Variants in TLN2 observed in about 807,000 individuals in gnomAD.
TLN2 encodes the protein talin 2.
A neutral mutation model predicts 294.7 loss-of-function variants in TLN2; 118 were observed. That is an observed-to-expected ratio of 0.40 (90% CI 0.34 to 0.47). The LOEUF (loss-of-function observed/expected upper bound fraction) is 0.47. Among genes scored for constraint, TLN2 ranks in the 20% least tolerant of loss-of-function variants. The probability of loss-of-function intolerance (pLI) is 0.84; values close to 1 mark genes in which losing one functional copy is unlikely to be tolerated. For synonymous variants in TLN2, 1,431 were observed against 1,304.5 expected (o/e 1.10, Z -2.09); for missense variants, 3,083 against 3,282.2 (o/e 0.94, Z 1.48).
chr15:62,844,217 A>AT lies in TLN2; in HGVS notation c.*3608dup, dbSNP rs1201694215. ...TTTCCCAAAGGTATCCCCAAGTACCATGTTGAAAATGTCCTCAGTCTGTTG... is the reference window on the plus strand; with the variant it reads ...TTTCCCAAAGGTATCCCCAAGTACCATTGTTGAAAATGTCCTCAGTCTGTTG... On this transcript the variant is annotated 3_prime_UTR_variant, in exon 59 of 59. Coordinates refer to ENST00000636159, the MANE Select transcript of TLN2 (RefSeq NM_015059.3). The AT allele has an allele frequency of 6.6e-6, 1 of 152,234 alleles. No individual in the cohort carries two copies. The highest frequency in any genetic ancestry group is 2.4e-5 in the African/African-American group (1 of 41,390). 9.4% of individuals were successfully genotyped at this position (152,234 alleles called of 1,614,324 possible). A position where few individuals can be genotyped will look rare whatever the true frequency, so the allele number is the denominator to read the frequency against.
intron 1 of TLN2, among the ~76,000 whole-genome samples, chr15:62,585,757 A>G (rs1321833876): frequency 1.3e-5 from 2 of 152,138 alleles, no homozygotes; most frequent in Non-Finnish European, 2.9e-5. Flanking sequence ...GCTTGGATAG[A>G]TCTTATCCAT....
At position 62,677,806 on chromosome 15, in the gene TLN2, C is replaced by CTTTTTTT. The variant is rs3055781; in HGVS notation, c.957+2494_957+2500dup. Among the ~76,000 whole-genome samples, 76 of 75,268 alleles carry CTTTTTTT rather than the reference C, an allele frequency of 1.0e-3. 4 individuals carry two copies. The highest frequency in any genetic ancestry group is 3.0e-3 in the South Asian group (5 of 1,680). 49.4% of individuals were successfully genotyped at this position (75,268 alleles called of 152,430 possible). A position where few individuals can be genotyped will look rare whatever the true frequency, so the allele number is the denominator to read the frequency against. The stretch of plus-strand genomic sequence containing the variant: ...TTAAGAAAGTAGGCAGCACTTGCAA[C>CTTTTTTT]TTTTTTTTTTTTTTTGAGACGGAGA... On this transcript the variant is annotated intron_variant, in intron 11 of 58. Transcript: ENST00000636159.
intron 47 of TLN2, 47 bp downstream of exon 47, chr15:62,796,340 T>C: frequency 6.4e-7 from 1 of 1,560,550 alleles, no homozygotes; most frequent in Non-Finnish European, 8.7e-7. Context: ...GGCCTGCCCC[T>C]GAAACTCATG....
Position 62,713,929 on chromosome 15 carries a change from A to ATATATATGC in TLN2, c.2634+1853_2634+1854insATATATGCT, listed in dbSNP as rs368958929. On this transcript the variant is annotated intron_variant, in intron 22 of 58. Coordinates refer to ENST00000636159, the MANE Select transcript of TLN2 (RefSeq NM_015059.3). ...ATATATATATATGCTGTGTGTGTGT[A>ATATATATGC]TGTGTGTGTGTGTATGTATGTATTG... Among the ~76,000 whole-genome samples, 985 of 124,942 alleles carry ATATATATGC rather than the reference A, an allele frequency of 7.9e-3. 17 individuals carry two copies. The highest frequency in any genetic ancestry group is 0.011 in the Non-Finnish European group (637 of 55,662). The allele number at this position is 124,942 out of a possible 152,430, so 82.0% of individuals were successfully genotyped here. A position where few individuals can be genotyped will look rare whatever the true frequency, so the allele number is the denominator to read the frequency against.
chr15:62,599,692 T>C (rs868551447), intron 2 of TLN2, among the ~76,000 whole-genome samples: 1 of 152,090 alleles, frequency 6.6e-6, no homozygotes, highest in South Asian at 2.1e-4. Context: ...GGATGAGGAG[T>C]GACTCAGTCT....
intron 9 of TLN2, among the ~76,000 whole-genome samples, chr15:62,659,669 A>G (rs1480233640): frequency 2.6e-5 from 4 of 152,228 alleles, no homozygotes; most frequent in Non-Finnish European, 4.4e-5. Flanking sequence ...AGATTATAAT[A>G]TCAAGTTTAT....
At chr15:62,591,074 T>A (rs1326018570) in intron 2 of TLN2, among the ~76,000 whole-genome samples, 4 of 152,132 alleles carry the variant, frequency 2.6e-5, no homozygotes, top group African/African-American at 9.7e-5. Flanking sequence ...TTCTTTGTAT[T>A]TTGTGTGTGG....
intron 34 of TLN2, among the ~76,000 whole-genome samples, chr15:62,751,980 A>G (rs1290530727): frequency 6.6e-6 from 1 of 152,174 alleles, no homozygotes; most frequent in Non-Finnish European, 1.5e-5. Flanking sequence ...GATGCATATG[A>G]TTTTTATATT....
At chr15:62,422,739 C>A (rs905661909) in intron 1 of TLN2, among the ~76,000 whole-genome samples, 1 of 152,190 alleles carries the variant, frequency 6.6e-6, no homozygotes, top group Non-Finnish European at 1.5e-5. Flanking sequence ...ATCAACCCAT[C>A]TTCAACTCCT....
At chr15:62,439,088 A>T (rs898730720) in intron 1 of TLN2, among the ~76,000 whole-genome samples, 1 of 152,242 alleles carries the variant, frequency 6.6e-6, no homozygotes, top group African/African-American at 2.4e-5. Flanking sequence ...TGTATACAGT[A>T]TAATTAGGAT....
intron 1 of TLN2, among the ~76,000 whole-genome samples, chr15:62,493,977 G>C (rs1485204538): frequency 2.6e-5 from 4 of 152,102 alleles, no homozygotes; most frequent in Middle Eastern, 3.4e-3. Flanking sequence ...CTGATGAAGA[G>C]TTTTTTTTAG....
intron 1 of TLN2, among the ~76,000 whole-genome samples, chr15:62,431,608 G>T (rs1269763482): frequency 6.6e-6 from 1 of 152,230 alleles, no homozygotes; most frequent in Non-Finnish European, 1.5e-5. Context: ...ACATTGACAA[G>T]TGGCTTGTTT....
intron 28 of TLN2, among the ~76,000 whole-genome samples, chr15:62,732,773 T>C (rs2060800908): frequency 6.6e-6 from 1 of 152,154 alleles, no homozygotes; most frequent in South Asian, 2.1e-4. Context: ...TTGGTGGAGA[T>C]GGTAACATGA....
intron 1 of TLN2, among the ~76,000 whole-genome samples, chr15:62,510,347 G>A (rs1018095116): frequency 7.2e-5 from 11 of 152,182 alleles, no homozygotes; most frequent in African/African-American, 2.2e-4. Context: ...CTTGGGTGTC[G>A]CTTAGTAGCT....
intron 32 of TLN2, among the ~76,000 whole-genome samples, chr15:62,742,942 T>C (rs1308203151): frequency 6.6e-6 from 1 of 152,242 alleles, no homozygotes; most frequent in Non-Finnish European, 1.5e-5. Context: ...TATTCATTCA[T>C]GTCTTCATTA....
chr15:62,753,647 C>T, intron 35 of TLN2, 126 bp from the exon 36 acceptor site: 1 of 1,183,972 alleles, frequency 8.4e-7, no homozygotes, highest in Non-Finnish European at 1.2e-6. Context: ...GATGAGATGA[C>T]CTTGACCAGT....
At chr15:62,671,294 T>G (rs2055387899) in intron 9 of TLN2, among the ~76,000 whole-genome samples, 1 of 152,224 alleles carries the variant, frequency 6.6e-6, no homozygotes, top group Non-Finnish European at 1.5e-5. Flanking sequence ...AAATAGTCCA[T>G]TTTATTTTTT....
At chr15:62,648,640 C>T (rs975881284) in intron 4 of TLN2, among the ~76,000 whole-genome samples, 2 of 147,768 alleles carry the variant, frequency 1.4e-5, no homozygotes, top group South Asian at 2.1e-4. Flanking sequence ...CTCCACCTTC[C>T]GAGTTTAAGC....
chr15:62,752,602 G>T (rs1464768353), intron 35 of TLN2, among the ~76,000 whole-genome samples, 175 bp downstream of exon 35: 1 of 152,186 alleles, frequency 6.6e-6, no homozygotes, highest in Non-Finnish European at 1.5e-5. Flanking sequence ...TACCCCCGAG[G>T]AGCAGAGCAG....
Sources: gnomAD v4.1 joint callset for allele counts (sites outside exome capture counted in the v4.1 genomes callset) on GRCh38, gnomAD v4.1.1 for gene constraint, MANE v1.5 for transcripts, NCBI Gene and HGNC (gene_info 2026-07-23, HGNC 2026-07-21) for gene names.